CEP63: variants seen among roughly 807,000 people sequenced by gnomAD.
CEP63 encodes the protein centrosomal protein 63, also known as centrosomal protein of 63 kDa.
Under a neutral mutation model 89.1 loss-of-function variants are expected in CEP63, and 84 were observed. The observed-to-expected ratio is 0.94, with a 90% CI of 0.79 to 1.13. The LOEUF is 1.13. Among genes scored for constraint, CEP63 ranks in the 50% most tolerant of loss-of-function variants. The probability of loss-of-function intolerance (pLI) is 0.00; values close to 1 mark genes in which losing one functional copy is unlikely to be tolerated. For missense variants in CEP63, 838 were observed against 813.3 expected, an observed-to-expected ratio of 1.03 and a Z score of -0.37; for synonymous variants, 267 against 272.5, an observed-to-expected ratio of 0.98 and a Z score of 0.20.
chr3:134,489,285 C>T (rs561297119), intron 1 of CEP63, among the ~76,000 whole-genome samples: 1 of 152,038 alleles, frequency 6.6e-6, no homozygotes, highest in African/African-American at 2.4e-5. Flanking sequence ...TTCATAATTG[C>T]AGAAAGTTGT....
chr3:134,701,305 C>T, the CEP63 span, among the ~76,000 whole-genome samples: 1 of 64,950 alleles, frequency 1.5e-5, no homozygotes, highest in African/African-American at 4.5e-5. Flanking sequence ...TGTATATATA[C>T]GTATATATGT....
At position 134,547,282 on chromosome 3, in the gene CEP63, A is replaced by G. The variant is rs12637751; in HGVS notation, c.930-53A>G. On this transcript the variant is annotated intron_variant, in intron 8 of 14. Transcript: ENST00000675561. ...GGGAAACACAGACTAGATGAGCATT[A>G]TTTTTGTTTGCAGAGATAAAGGCGT... The G allele has an allele frequency of 0.32, 491,664 of 1,559,306 alleles. 79,125 individuals are homozygous for G. The highest frequency in any genetic ancestry group is 0.36 in the African/African-American group (26,425 of 73,910).
the CEP63 span, among the ~76,000 whole-genome samples, chr3:134,652,637 TACAC>T: frequency 1.1e-4 from 16 of 145,142 alleles, no homozygotes; most frequent in South Asian, 2.2e-4. Context: ...TGTGTGCAGG[TACAC>T]ACACACACAC....
chr3:134,734,764 T>C, the CEP63 span, among the ~76,000 whole-genome samples: 1 of 152,180 alleles, frequency 6.6e-6, no homozygotes, highest in African/African-American at 2.4e-5. Flanking sequence ...ACTGAAATAG[T>C]GAATACTGAA....
At chr3:134,677,827 C>T in the CEP63 span, among the ~76,000 whole-genome samples, 3 of 151,922 alleles carry the variant, frequency 2.0e-5, no homozygotes, top group Admixed American at 2.0e-4. Context: ...CATTCCTCCT[C>T]CCTCTCCTTC....
chr3:134,725,358 C>T, the CEP63 span, among the ~76,000 whole-genome samples: 1 of 151,916 alleles, frequency 6.6e-6, no homozygotes, highest in Non-Finnish European at 1.5e-5. Flanking sequence ...AGGAAATTTT[C>T]TTCTGCCCCT....
At chr3:134,609,264 CT>C in the CEP63 span, among the ~76,000 whole-genome samples, 1 of 152,194 alleles carries the variant, frequency 6.6e-6, no homozygotes, top group South Asian at 2.1e-4. Flanking sequence ...TGGCGGGGAC[CT>C]TTTGTGGCTC....
chr3:134,773,854 A>G, the CEP63 span, among the ~76,000 whole-genome samples: 1 of 152,172 alleles, frequency 6.6e-6, no homozygotes, highest in African/African-American at 2.4e-5. Flanking sequence ...GCCTTACTGG[A>G]ATCATCTGAA....
At chr3:134,507,935 G>C (rs964116814) in intron 3 of CEP63, among the ~76,000 whole-genome samples, 1 of 152,176 alleles carries the variant, frequency 6.6e-6, no homozygotes, top group Non-Finnish European at 1.5e-5. Context: ...TTATGTGTGA[G>C]AGTTGCCTGT....
downstream of CEP63, among the ~76,000 whole-genome samples, chr3:134,589,482 T>C (rs748539154): frequency 3.3e-5 from 5 of 151,724 alleles, no homozygotes; most frequent in Non-Finnish European, 7.4e-5. Flanking sequence ...TCATAACTTC[T>C]ACCCAGCACA....
chr3:134,547,555 T>G lies in CEP63; in HGVS notation c.1067+83T>G, dbSNP rs1953705411. 4 of 1,151,332 alleles carry G rather than the reference T, an allele frequency of 3.5e-6. No individual in the cohort carries two copies. The Admixed American group carries it at 8.1e-5, about 23-fold the overall frequency. 71.3% of individuals were successfully genotyped at this position (1,151,332 alleles called of 1,614,324 possible). A position where few individuals can be genotyped will look rare whatever the true frequency, so the allele number is the denominator to read the frequency against. Reference sequence around the variant, plus strand: ...ATCATATTGTAAATGAATGTAATAGTCATAGTAAAAAAAATAAGATTTTTT... The same window carrying G: ...ATCATATTGTAAATGAATGTAATAGGCATAGTAAAAAAAATAAGATTTTTT... On this transcript the variant is annotated intron_variant, in intron 9 of 14. Coordinates refer to ENST00000675561, the MANE Select transcript of CEP63 (RefSeq NM_001353108.3).
At chr3:134,551,869 G>A in intron 11 of CEP63, 57 bp from the exon 12 acceptor site, 1 of 1,129,566 alleles carries the variant, frequency 8.9e-7, no homozygotes, top group Non-Finnish European at 1.3e-6. Context: ...GAAAAATTTT[G>A]TAAGATGCAT....
the CEP63 span, among the ~76,000 whole-genome samples, chr3:134,683,724 T>C: frequency 6.6e-6 from 1 of 151,906 alleles, no homozygotes; most frequent in Non-Finnish European, 1.5e-5. Flanking sequence ...GTTTGCTTCC[T>C]TTTCCAGCAA....
chr3:134,716,581 G>T, the CEP63 span, among the ~76,000 whole-genome samples: 3 of 152,044 alleles, frequency 2.0e-5, no homozygotes, highest in African/African-American at 7.3e-5. Context: ...CCCCTCCTTG[G>T]GTAGAGCATG....
the CEP63 span, among the ~76,000 whole-genome samples, chr3:134,665,686 CACACACACACACACACAG>C: frequency 2.2e-5 from 3 of 134,444 alleles, no homozygotes; most frequent in African/African-American, 8.4e-5. Flanking sequence ...CACACACACA[CACACACACACACACACAG>C]AGAGAGAGAG....
At chr3:134,681,450 C>G in the CEP63 span, among the ~76,000 whole-genome samples, 2 of 152,234 alleles carry the variant, frequency 1.3e-5, no homozygotes, top group Admixed American at 6.5e-5. Flanking sequence ...GTCTATGAGG[C>G]CCTGAACCCA....
intron 14 of CEP63, 116 bp from the exon 15 acceptor site, chr3:134,561,261 T>C: frequency 8.9e-7 from 1 of 1,120,524 alleles, no homozygotes. Flanking sequence ...AAAAAGTATC[T>C]TCAGAGGAAA....
chr3:134,557,376 G>GTTTTTTTTTTTTTTTTTTTTTTTTTTTTT lies in CEP63; in HGVS notation c.1468-738_1468-737insTTTTTTTTTTTTTTTTTTTTTTTTTTTTT, dbSNP rs199930556. Among the ~76,000 whole-genome samples, 9 of 101,500 alleles carry GTTTTTTTTTTTTTTTTTTTTTTTTTTTTT rather than the reference G, an allele frequency of 8.9e-5. 3 individuals are homozygous for GTTTTTTTTTTTTTTTTTTTTTTTTTTTTT. Among genetic ancestry groups the GTTTTTTTTTTTTTTTTTTTTTTTTTTTTT allele is most frequent in the African/African-American group, 3.9e-4 (8 of 20,280 alleles). The allele number at this position is 101,500 out of a possible 152,430, so 66.6% of individuals were successfully genotyped here. A position where few individuals can be genotyped will look rare whatever the true frequency, so the allele number is the denominator to read the frequency against. On this transcript the variant is annotated intron_variant, in intron 12 of 14. Transcript: ENST00000675561. ...CTTGACCAGCTTACTTTCATAATTTGTTTTTTTTTTTTTTTTTTTTTTTTT... is the reference window on the plus strand; with the variant it reads ...CTTGACCAGCTTACTTTCATAATTTGTTTTTTTTTTTTTTTTTTTTTTTTTTTTTTTTTTTTTTTTTTTTTTTTTTTTTT...
At chr3:134,591,036 C>T (rs1958587059), downstream of CEP63, among the ~76,000 whole-genome samples, 1 of 152,206 alleles carries the variant, frequency 6.6e-6, no homozygotes, top group Non-Finnish European at 1.5e-5. Context: ...GTCTCTGTCC[C>T]TCACTGGGTG....
Sources: gnomAD v4.1 joint callset for allele counts (sites outside exome capture counted in the v4.1 genomes callset) on GRCh38, gnomAD v4.1.1 for gene constraint, MANE v1.5 for transcripts, NCBI Gene and HGNC (gene_info 2026-07-23, HGNC 2026-07-21) for gene names.